The following FRMD4A variants were observed in gnomAD, a reference collection of about 807,000 sequenced individuals.
FRMD4A encodes FERM domain containing 4A.
FRMD4A carries 29 observed loss-of-function variants against 129.1 expected under a neutral mutation model. The ratio of observed to expected loss-of-function variants is 0.22; its 90% CI spans 0.17 to 0.31. FRMD4A has a LOEUF of 0.31. Ranked by LOEUF, FRMD4A falls within the 10% of genes least tolerant of loss-of-function variation. The pLI, the probability that FRMD4A is intolerant of heterozygous loss-of-function variation, is 1.00. For synonymous variants in FRMD4A, 634 were observed against 571.6 expected, an observed-to-expected ratio of 1.11 and a Z score of -1.56; for missense variants, 1,272 against 1,375.8, an observed-to-expected ratio of 0.92 and a Z score of 1.19.
intron 2 of FRMD4A, among the ~76,000 whole-genome samples, chr10:13,954,893 G>C (rs574905022): frequency 6.6e-6 from 1 of 152,154 alleles, no homozygotes; most frequent in African/African-American, 2.4e-5. Context: ...GCATTAGATT[G>C]TAAGTGGGCT....
chr10:13,794,407 A>T (rs989015562), intron 5 of FRMD4A, among the ~76,000 whole-genome samples: 2 of 151,566 alleles, frequency 1.3e-5, no homozygotes, highest in Non-Finnish European at 2.9e-5. Flanking sequence ...AAAAAAAAAA[A>T]AAAAATTAAA....
chr10:14,171,997 A>G (rs1018367379), intron 2 of FRMD4A, among the ~76,000 whole-genome samples: 4 of 152,236 alleles, frequency 2.6e-5, no homozygotes, highest in African/African-American at 4.8e-5. Context: ...AATTTCAACA[A>G]CATTTGGACA....
At chr10:14,303,649 C>T (rs1218470) in intron 2 of FRMD4A, among the ~76,000 whole-genome samples, 26,017 of 152,068 alleles carry the variant, frequency 0.17, 2,995 homozygotes, top group African/African-American at 0.33. Flanking sequence ...GGGGCTGACA[C>T]AGGCAGCAAT....
intron 8 of FRMD4A, among the ~76,000 whole-genome samples, chr10:13,751,484 A>C (rs1318832707): frequency 6.6e-6 from 1 of 152,136 alleles, no homozygotes; most frequent in Non-Finnish European, 1.5e-5. Context: ...TAGCCCTGTC[A>C]ATCTGGCCAA....
intron 2 of FRMD4A, among the ~76,000 whole-genome samples, chr10:14,267,034 G>A (rs904807577): frequency 3.3e-5 from 5 of 152,146 alleles, no homozygotes; most frequent in East Asian, 1.9e-4. Context: ...CATTTTATTC[G>A]AGAGACTCCG....
intron 8 of FRMD4A, among the ~76,000 whole-genome samples, chr10:13,751,983 T>TC: frequency 6.6e-6 from 1 of 152,072 alleles, no homozygotes; most frequent in South Asian, 2.1e-4. Context: ...GCCACTGTTC[T>TC]CCAGCCTGGG....
rs75930539 is a variant in FRMD4A at position 14,220,937 on chromosome 10, T to C, written c.45+109121A>G. On this transcript the variant is annotated intron_variant, in intron 2 of 24. Transcript: ENST00000357447. The stretch of plus-strand genomic sequence containing the variant: ...AAGAGCAGAACCCTACCATATTGGC[T>C]GGATTGAGGAGCAGGAACCTGACTA... Among the ~76,000 whole-genome samples the C allele has an allele frequency of 6.3e-3, 964 of 151,962 alleles. 8 individuals are homozygous for C. The highest frequency in any genetic ancestry group is 0.02 in the African/African-American group (825 of 41,430).
At chr10:13,827,801 C>T (rs2093725314) in intron 3 of FRMD4A, among the ~76,000 whole-genome samples, 1 of 152,120 alleles carries the variant, frequency 6.6e-6, no homozygotes, top group Admixed American at 6.5e-5. Context: ...GGGTGAGGCC[C>T]GCACGCCAGG....
At chr10:14,037,451 C>T (rs1565202811) in intron 2 of FRMD4A, among the ~76,000 whole-genome samples, 2 of 152,180 alleles carry the variant, frequency 1.3e-5, no homozygotes, top group Non-Finnish European at 2.9e-5. Context: ...CTCCTGACCT[C>T]ATGTGATCCA....
chr10:13,970,043 T>C (rs1300862449), intron 2 of FRMD4A, among the ~76,000 whole-genome samples: 1 of 152,210 alleles, frequency 6.6e-6, no homozygotes, highest in African/African-American at 2.4e-5. Context: ...ACCAGCCACA[T>C]TACTGCTTGA....
intron 2 of FRMD4A, among the ~76,000 whole-genome samples, chr10:13,918,144 T>C (rs1400586361): frequency 6.6e-6 from 1 of 152,228 alleles, no homozygotes; most frequent in African/African-American, 2.4e-5. Context: ...ATTGCATGTT[T>C]ATTTATTTGT....
intron 2 of FRMD4A, among the ~76,000 whole-genome samples, chr10:14,095,769 T>C (rs192851585): frequency 1.6e-4 from 25 of 152,350 alleles, no homozygotes; most frequent in African/African-American, 5.5e-4. Context: ...GCTAACATGC[T>C]TTCCAAAACA....
At chr10:14,006,325 C>A (rs1453191121) in intron 2 of FRMD4A, among the ~76,000 whole-genome samples, 1 of 152,146 alleles carries the variant, frequency 6.6e-6, no homozygotes, top group Admixed American at 6.5e-5. Flanking sequence ...GTGGGGTGTG[C>A]TCAAGGGCAG....
chr10:14,207,343 A>G (rs996310051), intron 2 of FRMD4A, among the ~76,000 whole-genome samples: 79 of 152,114 alleles, frequency 5.2e-4, no homozygotes, highest in African/African-American at 1.6e-3. Flanking sequence ...AGCGCATTAC[A>G]TTTATTGTGC....
At chr10:14,278,190 A>G (rs118019512) in intron 2 of FRMD4A, among the ~76,000 whole-genome samples, 1 of 152,302 alleles carries the variant, frequency 6.6e-6, no homozygotes, top group East Asian at 1.9e-4. Flanking sequence ...TTCTCAGGTC[A>G]CTCAGTAACT....
chr10:13,746,435 G>C (rs776840172), intron 9 of FRMD4A, among the ~76,000 whole-genome samples: 1 of 151,892 alleles, frequency 6.6e-6, no homozygotes, highest in Non-Finnish European at 1.5e-5. Context: ...GGATGGTCTC[G>C]ATCTCCTGAC....
At chr10:13,722,528 G>C (rs888414701) in intron 12 of FRMD4A, among the ~76,000 whole-genome samples, 2 of 151,824 alleles carry the variant, frequency 1.3e-5, no homozygotes, top group African/African-American at 4.8e-5. Context: ...TTACAGGCAT[G>C]AGCCACTGTG....
chr10:14,126,328 A>G (rs773759888), intron 2 of FRMD4A, among the ~76,000 whole-genome samples: 17 of 151,792 alleles, frequency 1.1e-4, no homozygotes, highest in Non-Finnish European at 2.5e-4. Context: ...GCTCCATGAC[A>G]CCCAGCTAAT....
chr10:13,876,877 G>A (rs1355506649), intron 2 of FRMD4A, among the ~76,000 whole-genome samples: 3 of 151,670 alleles, frequency 2.0e-5, no homozygotes, highest in Non-Finnish European at 4.4e-5. Flanking sequence ...TGTAATATAG[G>A]TACTATATAA....
Sources: allele counts gnomAD v4.1 joint callset (sites outside exome capture counted in the v4.1 genomes callset), GRCh38; gene constraint gnomAD v4.1.1; transcripts MANE v1.5; gene names NCBI Gene and HGNC (gene_info 2026-07-23, HGNC 2026-07-21).